The following NIPA1 variants were observed in gnomAD, a reference collection of about 807,000 sequenced individuals.
NIPA1 encodes the protein magnesium transporter NIPA1.
NIPA1 carries 13 observed loss-of-function variants against 23.9 expected under a neutral mutation model. That is an observed-to-expected ratio of 0.54 (90% CI 0.35 to 0.87). NIPA1 has a LOEUF of 0.87. Ranked by LOEUF, NIPA1 falls within the 40% of genes least tolerant of loss-of-function variation. The pLI is 0.01. For synonymous variants in NIPA1, 234 were observed against 202.9 expected (o/e 1.15, Z -1.30); for missense variants, 362 against 429.7 (o/e 0.84, Z 1.39).
chr15:22,802,019 T>C (rs1173245977), intron 1 of NIPA1, among the ~76,000 whole-genome samples: 2 of 152,160 alleles, frequency 1.3e-5, no homozygotes, highest in Non-Finnish European at 2.9e-5. Context: ...CCATAGAAAC[T>C]GCAAGAAACT....
intron 3 of NIPA1, among the ~76,000 whole-genome samples, 184 bp from the exon 4 acceptor site, chr15:22,820,129 C>G (rs774619256): frequency 6.6e-5 from 10 of 152,010 alleles, no homozygotes; most frequent in Non-Finnish European, 1.5e-4. Context: ...CCCAGGAGTT[C>G]AAGCTTGTGG....
chr15:22,793,233 C>G (rs936840254), intron 1 of NIPA1, among the ~76,000 whole-genome samples: 2 of 150,492 alleles, frequency 1.3e-5, no homozygotes, highest in Admixed American at 6.6e-5. Context: ...CCTGTAGTCC[C>G]AGCCACTTGG....
At chr15:22,808,476 G>A (rs1357255201) in intron 1 of NIPA1, among the ~76,000 whole-genome samples, 1 of 152,160 alleles carries the variant, frequency 6.6e-6, no homozygotes, top group Non-Finnish European at 1.5e-5. Context: ...GCAGGCAGGT[G>A]GCACAACTGA....
chr15:22,829,763 A>C lies in NIPA1; in HGVS notation c.*5524A>C, dbSNP rs996814944. The C allele has an allele frequency of 6.6e-6, 1 of 152,198 alleles. No individual in the cohort carries two copies. The highest frequency in any genetic ancestry group is 1.5e-5 in the Non-Finnish European group (1 of 68,026). The allele number at this position is 152,198 out of a possible 1,614,324, so 9.4% of individuals were successfully genotyped here. A position where few individuals can be genotyped will look rare whatever the true frequency, so the allele number is the denominator to read the frequency against. On this transcript the variant is annotated 3_prime_UTR_variant, in exon 5 of 5. Transcript: ENST00000337435. The stretch of plus-strand genomic sequence containing the variant: ...TATTTATTAATCTGTATGTGTTTTA[A>C]AATAAAATAACTTATTTCTAGCTGA...
intron 3 of NIPA1, chr15:22,813,643 A>C: frequency 4.4e-6 from 2 of 456,082 alleles, no homozygotes; most frequent in South Asian, 3.1e-5. Context: ...ACAGATGCCC[A>C]AATCCTTGCA....
intron 1 of NIPA1, among the ~76,000 whole-genome samples, chr15:22,806,439 A>G (rs192617425): frequency 1.3e-4 from 20 of 152,294 alleles, no homozygotes; most frequent in Middle Eastern, 3.4e-3. Flanking sequence ...AGGAAAACCA[A>G]TGGAACTTAG....
rs116033825 is a variant in NIPA1 at position 22,804,723 on chromosome 15, C to T, written c.179-6026C>T. Among the ~76,000 whole-genome samples the T allele has an allele frequency of 4.4e-3, 665 of 152,244 alleles. 8 individuals carry two copies. The highest frequency in any genetic ancestry group is 0.015 in the African/African-American group (636 of 41,542). On this transcript the variant is annotated intron_variant, in intron 1 of 4. Transcript: ENST00000337435. Reference sequence around the variant, plus strand: ...ACTTTTCCATTGAATTGTACTGGTGCTTCATTCAGTCTGTGATCTGGCTGT... The same window carrying T: ...ACTTTTCCATTGAATTGTACTGGTGTTTCATTCAGTCTGTGATCTGGCTGT...
chr15:22,806,248 C>A (rs746963969), intron 1 of NIPA1, among the ~76,000 whole-genome samples: 5 of 152,170 alleles, frequency 3.3e-5, no homozygotes, highest in Non-Finnish European at 7.3e-5. Context: ...AGGACATTTC[C>A]GACACATTTA....
chr15:22,791,670 G>T (rs1365338795), intron 1 of NIPA1, among the ~76,000 whole-genome samples: 1 of 151,780 alleles, frequency 6.6e-6, no homozygotes, highest in African/African-American at 2.4e-5. Flanking sequence ...TTTGAGTAGA[G>T]GCAGGGTTTC....
In NIPA1 at chr15:22,828,823, T is replaced by A. The variant is rs1284030967; in HGVS notation, c.*4584T>A. ...CTCTTAACCTTTCTGTGCCTCAGTT[T>A]TTCTACCTCTAAAGGGGTGGGATGG... On this transcript the variant is annotated 3_prime_UTR_variant, in exon 5 of 5. Coordinates refer to ENST00000337435, the MANE Select transcript of NIPA1 (RefSeq NM_144599.5). 6.6e-6 allele frequency: 1 copy of A among 152,636 alleles called. No individual in the cohort carries two copies. The highest frequency in any genetic ancestry group is 1.5e-5 in the Non-Finnish European group (1 of 68,054). 9.5% of individuals were successfully genotyped at this position (152,636 alleles called of 1,614,324 possible).
chr15:22,827,833 C>G lies in NIPA1; in HGVS notation c.*3594C>G, dbSNP rs1270972357. 6.6e-6 allele frequency: 1 copy of G among 152,138 alleles called. No individual in the cohort carries two copies. The highest frequency in any genetic ancestry group is 1.5e-5 in the Non-Finnish European group (1 of 68,052). 9.4% of individuals were successfully genotyped at this position (152,138 alleles called of 1,614,324 possible). A position where few individuals can be genotyped will look rare whatever the true frequency, so the allele number is the denominator to read the frequency against. ...GTGTCTCCCAGGTGTGCACGGACACCTGGTCCGTGGAAACAGGTGTGATGG... is the reference window on the plus strand; with the variant it reads ...GTGTCTCCCAGGTGTGCACGGACACGTGGTCCGTGGAAACAGGTGTGATGG... On this transcript the variant is annotated 3_prime_UTR_variant, in exon 5 of 5. Coordinates refer to ENST00000337435, the MANE Select transcript of NIPA1 (RefSeq NM_144599.5).
At position 22,827,724 on chromosome 15, in the gene NIPA1, TA is replaced by T. The variant is rs1895680047; in HGVS notation, c.*3486del. 1 of 152,184 alleles carries T rather than the reference TA, an allele frequency of 6.6e-6. No homozygotes were observed. Among genetic ancestry groups the T allele is most frequent in the South Asian group, 2.1e-4 (1 of 4,832 alleles). 9.4% of individuals were successfully genotyped at this position (152,184 alleles called of 1,614,324 possible). On this transcript the variant is annotated 3_prime_UTR_variant, in exon 5 of 5. Transcript: ENST00000337435. ...GCACTGTTCACTTGTGCAGTCGTCT[TA>T]TTTTCCTTCTTCCTAGATGACTCAG...
chr15:22,794,427 T>A (rs1347071922), intron 1 of NIPA1, among the ~76,000 whole-genome samples: 1 of 151,876 alleles, frequency 6.6e-6, no homozygotes, highest in African/African-American at 2.4e-5. Context: ...TGGATGGTGG[T>A]GATGGCTGCA....
Position 22,786,826 on chromosome 15 carries a change from A to C in NIPA1, c.170A>C (p.Lys57Thr). Reference protein sequence around the residue: ...VLQKKGIVRAKRRGTSYLTDI... With the variant: ...VLQKKGIVRATRRGTSYLTDI... The stretch of plus-strand genomic sequence containing the variant: ...CAGAAGAAGGGCATCGTGCGTGCCA[A>C]GCGGCGAGGTAGGGCGGGCGGCAGG... Residue 57 changes from lysine to threonine, a missense_variant, in exon 1 of 5, where the codon AAG (lysine) becomes ACG (threonine). Around this residue, in one of 2 missense-constraint regions of NIPA1, gnomAD observed 277 missense variants for 372.0 expected, o/e 0.74. Coordinates refer to ENST00000337435, the MANE Select transcript of NIPA1 (RefSeq NM_144599.5). 1 of 1,187,490 alleles carries C rather than the reference A, an allele frequency of 8.4e-7. No homozygotes were observed. 73.6% of individuals were successfully genotyped at this position (1,187,490 alleles called of 1,614,324 possible).
Position 22,802,252 on chromosome 15 carries a change from C to T in NIPA1, c.179-8497C>T, listed in dbSNP as rs1043034762. Among the ~76,000 whole-genome samples the T allele has an allele frequency of 6.6e-5, 10 of 151,860 alleles. No homozygotes were observed. The East Asian group carries it at 7.8e-4, about 12-fold the overall frequency. ...ACTAAAAATACAAAAATTAGCCAGG[C>T]GTGGTGGCACATGCCTGTAATCACA... On this transcript the variant is annotated intron_variant, in intron 1 of 4. Coordinates refer to ENST00000337435, the MANE Select transcript of NIPA1 (RefSeq NM_144599.5).
chr15:22,814,380 T>G (rs572969693), intron 3 of NIPA1, among the ~76,000 whole-genome samples: 1 of 152,186 alleles, frequency 6.6e-6, no homozygotes, highest in South Asian at 2.1e-4. Context: ...TTTTTTTGTA[T>G]TTTTAGTAGA....
intron 1 of NIPA1, among the ~76,000 whole-genome samples, chr15:22,789,446 A>G (rs1317393056): frequency 1.3e-5 from 2 of 152,130 alleles, no homozygotes; most frequent in Non-Finnish European, 2.9e-5. Flanking sequence ...GTCTGGACCC[A>G]AGGTCCTTTC....
At chr15:22,822,963 G>A (rs1163767412) in intron 4 of NIPA1, among the ~76,000 whole-genome samples, 3 of 135,776 alleles carry the variant, frequency 2.2e-5, no homozygotes, top group Non-Finnish European at 4.6e-5. Context: ...CTGTCGCCCA[G>A]GCTGGAGTGC....
intron 1 of NIPA1, among the ~76,000 whole-genome samples, chr15:22,809,244 G>A (rs12916650): frequency 1.2e-4 from 18 of 151,676 alleles, no homozygotes; most frequent in East Asian, 3.9e-4. Flanking sequence ...AAAATTAGCC[G>A]CACGTGGTGG....
Sources: gnomAD v4.1 joint callset for allele counts (sites outside exome capture counted in the v4.1 genomes callset) on GRCh38, gnomAD v4.1.1 for gene constraint, gnomAD v4.1.1 regional missense constraint, MANE v1.5 for transcripts, NCBI Gene and HGNC (gene_info 2026-07-23, HGNC 2026-07-21) for gene names.